Variants in DYRK1A observed in about 807,000 individuals in gnomAD.
DYRK1A encodes the protein dual specificity tyrosine-phosphorylation-regulated kinase 1A.
Under a neutral mutation model 79.7 loss-of-function variants are expected in DYRK1A, and 9 were observed. The ratio of observed to expected loss-of-function variants is 0.11; its 90% CI spans 0.07 to 0.20. The LOEUF (loss-of-function observed/expected upper bound fraction) is 0.20, where lower values mean the gene tolerates loss of function less well. Among genes scored for constraint, DYRK1A ranks in the 10% least tolerant of loss-of-function variants. The pLI, the probability that DYRK1A is intolerant of heterozygous loss-of-function variation, is 1.00. For synonymous variants in DYRK1A, 349 were observed against 329.7 expected (o/e 1.06, Z -0.63); for missense variants, 622 against 956.0 (o/e 0.65, Z 4.61).
chr21:37,512,813 GTCTT>G lies in DYRK1A; in HGVS notation c.*286_*289del, dbSNP rs923970446. On this transcript the variant is annotated 3_prime_UTR_variant, in exon 12 of 12. Transcript: ENST00000647188. ...ATCCCAGTCACAGTGGGGTTTTTTT[GTCTT>G]TCTATTCAGCAAAAGTTAATATTCA... is the stretch of plus-strand genomic sequence containing the variant. 3 of 395,576 alleles carry G rather than the reference GTCTT, an allele frequency of 7.6e-6. No homozygotes were observed. The highest frequency in any genetic ancestry group is 6.0e-5 in the African/African-American group (3 of 49,676). 24.5% of individuals were successfully genotyped at this position (395,576 alleles called of 1,614,324 possible). A position where few individuals can be genotyped will look rare whatever the true frequency, so the allele number is the denominator to read the frequency against.
chr21:37,477,797 G>A (rs1396561932), intron 3 of DYRK1A, among the ~76,000 whole-genome samples: 2 of 152,172 alleles, frequency 1.3e-5, no homozygotes, highest in African/African-American at 2.4e-5. Flanking sequence ...TGAGGGCTGG[G>A]TTTATCTTTG....
chr21:37,378,425 G>A (rs1185649726), intron 1 of DYRK1A, among the ~76,000 whole-genome samples: 2 of 152,158 alleles, frequency 1.3e-5, no homozygotes, highest in Non-Finnish European at 2.9e-5. Flanking sequence ...CCAGCTACTG[G>A]GGAGGCTGAG....
chr21:37,455,301 C>T (rs2051599553), intron 2 of DYRK1A, among the ~76,000 whole-genome samples: 1 of 152,236 alleles, frequency 6.6e-6, no homozygotes, highest in East Asian at 1.9e-4. Context: ...TTCTCAGCCA[C>T]ACCCTTTTCT....
In DYRK1A at chr21:37,514,623, T is replaced by A. The variant is rs1428139003; in HGVS notation, c.*2092T>A. ...AATGGAAACTTGGAAATACTCGTTT[T>A]TATAAACTACAAAAACTTTTTGTTG... On this transcript the variant is annotated 3_prime_UTR_variant, in exon 12 of 12. Transcript: ENST00000647188. 6.5e-6 allele frequency: 1 copy of A among 152,680 alleles called. No homozygotes were observed. Among genetic ancestry groups the A allele is most frequent in the Non-Finnish European group, 1.5e-5 (1 of 68,046 alleles). 9.5% of individuals were successfully genotyped at this position (152,680 alleles called of 1,614,324 possible). A position where few individuals can be genotyped will look rare whatever the true frequency, so the allele number is the denominator to read the frequency against.
intron 9 of DYRK1A, among the ~76,000 whole-genome samples, chr21:37,500,005 G>T (rs1194872753): frequency 6.6e-6 from 1 of 152,200 alleles, no homozygotes; most frequent in Non-Finnish European, 1.5e-5. Context: ...CCTCCTTGTG[G>T]AGCTTGAGTA....
At chr21:37,367,926 A>C (rs1192252468) in intron 1 of DYRK1A, 1 of 156,428 alleles carries the variant, frequency 6.4e-6, no homozygotes, top group Non-Finnish European at 1.4e-5. Context: ...CGCCCGAGCG[A>C]AGGGGTGGAG....
chr21:37,472,581 T>C (rs2052260786), intron 2 of DYRK1A, 103 bp from the exon 3 acceptor site: 2 of 1,014,084 alleles, frequency 2.0e-6, no homozygotes, highest in Non-Finnish European at 2.8e-6. Context: ...TTTTTTAATA[T>C]TGAATATCCT....
intron 1 of DYRK1A, among the ~76,000 whole-genome samples, chr21:37,369,806 T>G (rs905960291): frequency 6.6e-6 from 1 of 152,258 alleles, no homozygotes; most frequent in Admixed American, 6.5e-5. Flanking sequence ...TTTTGAGATC[T>G]AAGTATAAGA....
intron 1 of DYRK1A, among the ~76,000 whole-genome samples, chr21:37,398,904 CTTTT>C (rs75261593): frequency 3.0e-4 from 41 of 137,032 alleles, no homozygotes; most frequent in Non-Finnish European, 3.6e-4. Context: ...GGAGGAGAAA[CTTTT>C]TTTTTTTTTT....
At chr21:37,468,841 G>C (rs1197283311) in intron 2 of DYRK1A, among the ~76,000 whole-genome samples, 2 of 152,144 alleles carry the variant, frequency 1.3e-5, no homozygotes, top group African/African-American at 4.8e-5. Context: ...TAAAGCAAAA[G>C]TTGATAAAAT....
Position 37,512,578 on chromosome 21 carries a change from G to T in DYRK1A, c.*47G>T. The stretch of plus-strand genomic sequence containing the variant: ...TTTCTTGTGTGTTTTTATAGAAGTG[G>T]TGTTTTTTTTCCAAAAACAAAGTGC... On this transcript the variant is annotated 3_prime_UTR_variant, in exon 12 of 12. Coordinates refer to ENST00000647188, the MANE Select transcript of DYRK1A (RefSeq NM_001347721.2). 6.3e-7 allele frequency: 1 copy of T among 1,581,006 alleles called. No homozygotes were observed. The highest frequency in any genetic ancestry group is 1.8e-5 in the Admixed American group (1 of 56,828).
At chr21:37,478,979 G>T (rs530551864) in intron 4 of DYRK1A, among the ~76,000 whole-genome samples, 1 of 152,094 alleles carries the variant, frequency 6.6e-6, no homozygotes, top group Non-Finnish European at 1.5e-5. Flanking sequence ...TTTGCTTGTG[G>T]CTTCAACTCT....
intron 1 of DYRK1A, among the ~76,000 whole-genome samples, chr21:37,411,049 TAAAAAAAAAAAA>T (rs35292922): frequency 7.1e-5 from 4 of 56,410 alleles, no homozygotes; most frequent in African/African-American, 2.2e-4. Context: ...ATTCTGTCTT[TAAAAAAAAAAAA>T]AAAAAAAAAA....
chr21:37,504,477 C>G (rs1243160215), intron 9 of DYRK1A: 1 of 152,186 alleles, frequency 6.6e-6, no homozygotes, highest in Non-Finnish European at 1.5e-5. Context: ...CCTCATACAG[C>G]TCTCTGATGG....
intron 1 of DYRK1A, among the ~76,000 whole-genome samples, chr21:37,405,607 A>G (rs76761380): frequency 6.6e-5 from 10 of 152,184 alleles, no homozygotes; most frequent in African/African-American, 2.4e-4. Context: ...AGGAAGCGTT[A>G]CAGATACAAA....
intron 5 of DYRK1A, 118 bp downstream of exon 5, chr21:37,480,944 T>C (rs1601231973): frequency 1.3e-6 from 1 of 741,342 alleles, no homozygotes; most frequent in African/African-American, 1.8e-5. Flanking sequence ...AGCTCAGCAA[T>C]GGATATGCAA....
At chr21:37,481,237 TTTTCAGGAGGCTTTGGAAAGC>T (rs1210869184) in intron 5 of DYRK1A, 1 of 153,464 alleles carries the variant, frequency 6.5e-6, no homozygotes, top group Non-Finnish European at 1.4e-5. Flanking sequence ...GTCCACTCAC[TTTTCAGGAGGCTTTGGAAAGC>T]TGGGGGTTGT....
rs1601350464 is a variant in DYRK1A at position 37,522,907 on chromosome 21, T to C, written c.*10376T>C. The C allele has an allele frequency of 6.6e-6, 1 of 152,350 alleles. No homozygotes were observed. The highest frequency in any genetic ancestry group is 6.5e-5 in the Admixed American group (1 of 15,286). 9.4% of individuals were successfully genotyped at this position (152,350 alleles called of 1,614,324 possible). On this transcript the variant is annotated 3_prime_UTR_variant, in exon 12 of 12. Transcript: ENST00000647188. ...TTCCCCACTGCTGGTTCAGGCTGTCTGCAGCAGCAGCAGCTCCAGGGTGCT... is the reference window on the plus strand; with the variant it reads ...TTCCCCACTGCTGGTTCAGGCTGTCCGCAGCAGCAGCAGCTCCAGGGTGCT...
At chr21:37,488,712 A>G (rs1358614618) in intron 6 of DYRK1A, 21 of 985,284 alleles carry the variant, frequency 2.1e-5, no homozygotes, top group Non-Finnish European at 2.4e-5. Flanking sequence ...AACTAAGTAG[A>G]TCTTTCATTG....
Sources: allele counts gnomAD v4.1 joint callset (sites outside exome capture counted in the v4.1 genomes callset), GRCh38; gene constraint gnomAD v4.1.1; transcripts MANE v1.5; gene names NCBI Gene and HGNC (gene_info 2026-07-23, HGNC 2026-07-21).